The following COP1 variants were observed in gnomAD, a reference collection of about 807,000 sequenced individuals.
COP1 encodes the protein E3 ubiquitin-protein ligase COP1.
A neutral mutation model predicts 101.3 loss-of-function variants in COP1; 24 were observed. The observed-to-expected ratio is 0.24, with a 90% confidence interval of 0.17 to 0.33. The LOEUF (loss-of-function observed/expected upper bound fraction) is 0.33. Among genes scored for constraint, COP1 ranks in the 10% least tolerant of loss-of-function variants. COP1 has a pLI of 1.00. For synonymous variants in COP1, 347 were observed against 341.9 expected, an observed-to-expected ratio of 1.01 and a Z score of -0.17; for missense variants, 663 against 906.2, an observed-to-expected ratio of 0.73 and a Z score of 3.45.
At chr1:175,973,973 T>C (rs1302361818) in intron 18 of COP1, among the ~76,000 whole-genome samples, 1 of 152,190 alleles carries the variant, frequency 6.6e-6, no homozygotes, top group Non-Finnish European at 1.5e-5. Flanking sequence ...TAAAATGTGC[T>C]TATGCAAGTG....
intron 18 of COP1, among the ~76,000 whole-genome samples, chr1:175,959,008 A>G (rs1323630839): frequency 6.6e-6 from 1 of 151,982 alleles, no homozygotes; most frequent in African/African-American, 2.4e-5. Flanking sequence ...GGACAATGCA[A>G]AAAAGGAAAA....
intron 11 of COP1, among the ~76,000 whole-genome samples, chr1:176,056,083 C>G (rs1673427676): frequency 6.6e-6 from 1 of 152,084 alleles, no homozygotes; most frequent in Non-Finnish European, 1.5e-5. Context: ...GCCAAAAAAG[C>G]TATTAAATTT....
At chr1:176,141,894 C>T (rs564872285) in intron 6 of COP1, among the ~76,000 whole-genome samples, 3 of 152,070 alleles carry the variant, frequency 2.0e-5, no homozygotes, top group South Asian at 2.1e-4. Context: ...CTATGCTCCA[C>T]GAATTTTTTT....
chr1:176,165,353 ATGTGTGTCGTGTG>A (rs977422912), intron 3 of COP1, among the ~76,000 whole-genome samples: 1 of 137,114 alleles, frequency 7.3e-6, no homozygotes, highest in Non-Finnish European at 1.6e-5. Context: ...AGAGAGAGAG[ATGTGTGTCGTGTG>A]TGTGTGTGTG....
intron 15 of COP1, among the ~76,000 whole-genome samples, chr1:176,004,117 T>G (rs1405377733): frequency 1.3e-5 from 2 of 151,040 alleles, no homozygotes; most frequent in African/African-American, 4.9e-5. Flanking sequence ...GAAGCAATTG[T>G]GAATGGGAGT....
chr1:176,180,987 T>C (rs556766425), intron 2 of COP1, among the ~76,000 whole-genome samples: 51 of 152,290 alleles, frequency 3.3e-4, no homozygotes, highest in South Asian at 8.3e-4. Context: ...CAGGGCTTGG[T>C]AGACATACGG....
chr1:175,954,341 T>C (rs990498471), intron 18 of COP1, among the ~76,000 whole-genome samples: 17 of 152,110 alleles, frequency 1.1e-4, no homozygotes, highest in African/African-American at 3.9e-4. Flanking sequence ...ACATTAATGA[T>C]ATAGTAACTT....
intron 15 of COP1, among the ~76,000 whole-genome samples, chr1:176,008,237 A>G (rs956333816): frequency 6.6e-6 from 1 of 152,174 alleles, no homozygotes; most frequent in Non-Finnish European, 1.5e-5. Context: ...ATCTGCACCC[A>G]CTGTCTGGCA....
intron 1 of COP1, among the ~76,000 whole-genome samples, chr1:176,195,785 C>G (rs138280470): frequency 6.6e-6 from 1 of 152,272 alleles, no homozygotes; most frequent in East Asian, 1.9e-4. Flanking sequence ...AACACAAAAA[C>G]AGAAAACCAA....
intron 5 of COP1, among the ~76,000 whole-genome samples, chr1:176,158,232 C>T (rs1393350030): frequency 6.6e-6 from 1 of 152,108 alleles, no homozygotes; most frequent in Admixed American, 6.6e-5. Context: ...TCATCTGAAA[C>T]AATGCTAGGA....
At chr1:176,152,854 C>T (rs1200010892) in intron 5 of COP1, among the ~76,000 whole-genome samples, 1 of 152,130 alleles carries the variant, frequency 6.6e-6, no homozygotes. Flanking sequence ...AGTCATCATC[C>T]CATACTTTAG....
At chr1:176,173,474 AAAAC>A (rs974705710) in intron 3 of COP1, among the ~76,000 whole-genome samples, 2 of 151,904 alleles carry the variant, frequency 1.3e-5, no homozygotes, top group African/African-American at 2.4e-5. Context: ...TGTCTCTACA[AAAAC>A]AAACAAACAA....
intron 8 of COP1, among the ~76,000 whole-genome samples, chr1:176,131,345 C>T (rs759905335): frequency 4.0e-5 from 6 of 151,754 alleles, no homozygotes; most frequent in Non-Finnish European, 8.9e-5. Context: ...ATGACAATTA[C>T]AGCTAATCAA....
chr1:176,150,847 C>T (rs1220146148), intron 5 of COP1, among the ~76,000 whole-genome samples: 1 of 152,154 alleles, frequency 6.6e-6, no homozygotes, highest in African/African-American at 2.4e-5. Context: ...ACCAGGAATT[C>T]ACCACATGAC....
chr1:176,169,331 T>C (rs1572654110), intron 3 of COP1, among the ~76,000 whole-genome samples: 1 of 152,312 alleles, frequency 6.6e-6, no homozygotes, highest in Non-Finnish European at 1.5e-5. Context: ...TATTTATTTG[T>C]TTGATCAATT....
At chr1:176,038,194 C>T (rs1432823678) in intron 14 of COP1, among the ~76,000 whole-genome samples, 1 of 151,922 alleles carries the variant, frequency 6.6e-6, no homozygotes, top group African/African-American at 2.4e-5. Flanking sequence ...AAATAAAATA[C>T]CTGCGAAACT....
intron 11 of COP1, among the ~76,000 whole-genome samples, chr1:176,054,597 T>C (rs570640152): frequency 9.2e-5 from 14 of 152,326 alleles, no homozygotes; most frequent in African/African-American, 3.4e-4. Flanking sequence ...GTGGTCTTTC[T>C]TGTCATTCCG....
In COP1 at chr1:176,174,547, C is replaced by T. The variant is rs140920866; in HGVS notation, c.565+1363G>A. 4.4e-3 allele frequency among the ~76,000 whole-genome samples: 409 copies of T among 92,284 alleles called. 3 individuals carry two copies. Among genetic ancestry groups the T allele is most frequent in the African/African-American group, 0.012 (388 of 33,370 alleles). The allele number at this position is 92,284 out of a possible 152,430, so 60.5% of individuals were successfully genotyped here. A position where few individuals can be genotyped will look rare whatever the true frequency, so the allele number is the denominator to read the frequency against. Reference sequence around the variant, plus strand: ...CCCTTTCTGCTATGTAATCCTCCAGCGATTTTCCTTCATAAAAAAAAAATT... The same window carrying T: ...CCCTTTCTGCTATGTAATCCTCCAGTGATTTTCCTTCATAAAAAAAAAATT... On this transcript the variant is annotated intron_variant, in intron 3 of 19. Transcript: ENST00000367669.
At chr1:176,111,965 C>A (rs1685367708) in intron 9 of COP1, among the ~76,000 whole-genome samples, 1 of 152,184 alleles carries the variant, frequency 6.6e-6, no homozygotes, top group African/African-American at 2.4e-5. Context: ...ATTCTCCTGG[C>A]AGACCTGTTA....
Sources: gnomAD v4.1 joint callset for allele counts (sites outside exome capture counted in the v4.1 genomes callset) on GRCh38, gnomAD v4.1.1 for gene constraint, MANE v1.5 for transcripts, NCBI Gene and HGNC (gene_info 2026-07-23, HGNC 2026-07-21) for gene names.